SEL1L3: variants seen among roughly 807,000 people sequenced by gnomAD.
SEL1L3 encodes protein sel-1 homolog 3.
SEL1L3 carries 76 observed loss-of-function variants against 142.8 expected under a neutral mutation model. That is an observed-to-expected ratio of 0.53 (90% confidence interval 0.44 to 0.64). The LOEUF (loss-of-function observed/expected upper bound fraction) is 0.64, where lower values mean the gene tolerates loss of function less well. Ranked by LOEUF, SEL1L3 falls within the 30% of genes least tolerant of loss-of-function variation. The probability of loss-of-function intolerance (pLI) is 0.00; values close to 1 mark genes in which losing one functional copy is unlikely to be tolerated. For synonymous variants in SEL1L3, 504 were observed against 519.6 expected (o/e 0.97, Z 0.41); for missense variants, 1,262 against 1,381.7 (o/e 0.91, Z 1.37).
chr4:25,848,833 A>G (rs1716708613), intron 1 of SEL1L3, among the ~76,000 whole-genome samples: 1 of 152,254 alleles, frequency 6.6e-6, no homozygotes, highest in South Asian at 2.1e-4. Flanking sequence ...CAAATAAATT[A>G]GACACAGAAT....
intron 3 of SEL1L3, 65 bp downstream of exon 3, chr4:25,835,132 C>A: frequency 6.3e-7 from 1 of 1,591,114 alleles, no homozygotes; most frequent in Non-Finnish European, 8.6e-7. Context: ...CTTCCACTAG[C>A]CTGCTCTGGT....
At chr4:25,851,673 G>A (rs920333657) in intron 1 of SEL1L3, among the ~76,000 whole-genome samples, 2 of 151,872 alleles carry the variant, frequency 1.3e-5, no homozygotes, top group Non-Finnish European at 2.9e-5. Flanking sequence ...GGCGGTTCAC[G>A]AAGTCAAGAG....
chr4:25,716,614 TA>T, the SEL1L3 span, among the ~76,000 whole-genome samples: 1 of 152,218 alleles, frequency 6.6e-6, no homozygotes, highest in Non-Finnish European at 1.5e-5. Context: ...ATAATGTTAT[TA>T]CAAAATTGAA....
intron 2 of SEL1L3, among the ~76,000 whole-genome samples, chr4:25,840,914 G>T (rs1716126780): frequency 6.6e-6 from 1 of 152,078 alleles, no homozygotes; most frequent in African/African-American, 2.4e-5. Flanking sequence ...TTCCCGTCAA[G>T]GAACAAAGGC....
At chr4:25,726,400 C>T in the SEL1L3 span, among the ~76,000 whole-genome samples, 7 of 151,738 alleles carry the variant, frequency 4.6e-5, no homozygotes, top group East Asian at 1.4e-3. Flanking sequence ...TGGTGGTGTG[C>T]GCCTGTAATC....
chr4:25,832,933 G>T, intron 5 of SEL1L3, 62 bp downstream of exon 5: 1 of 1,018,526 alleles, frequency 9.8e-7, no homozygotes, highest in Non-Finnish European at 1.5e-6. Context: ...CGGCTTTATA[G>T]CAATGCTTAA....
chr4:25,862,519 T>A (rs1717792193), intron 1 of SEL1L3, among the ~76,000 whole-genome samples, 156 bp downstream of exon 1: 1 of 151,748 alleles, frequency 6.6e-6, no homozygotes, highest in Non-Finnish European at 1.5e-5. Flanking sequence ...GGGGTACCTA[T>A]CCCAGGTGCC....
At chr4:25,820,281 G>A (rs1011182946) in intron 7 of SEL1L3, among the ~76,000 whole-genome samples, 1 of 151,350 alleles carries the variant, frequency 6.6e-6, no homozygotes, top group African/African-American at 2.5e-5. Flanking sequence ...AAAGATGCAA[G>A]GGTACCCACG....
chr4:25,821,962 G>A (rs750793460), intron 7 of SEL1L3, 34 bp downstream of exon 7: 20 of 1,604,402 alleles, frequency 1.2e-5, no homozygotes, highest in South Asian at 4.5e-5. Context: ...CATCACCCAG[G>A]AGTACCGCAA....
At position 25,788,281 on chromosome 4, in the gene SEL1L3, G is replaced by T; in HGVS notation, c.2160C>A (p.Gly720=). ...ACGCAGGATCCTCCGTCTCCAGGGC[G>T]CCCTTGGCGTACCACTCAATTGCTG... ...PEAAIEWYAK[G]ALETEDPALI... is the part of the protein sequence containing the mutation. Residue 720 remains glycine, a synonymous_variant, in exon 13 of 24, where the codon GGC becomes GGA. Coordinates refer to ENST00000399878, the MANE Select transcript of SEL1L3 (RefSeq NM_015187.5). This position sits in a 1 kb window ranked among gnomAD's most constrained non-coding sequence, Gnocchi z 5.3. 6.2e-7 allele frequency: 1 copy of T among 1,613,844 alleles called. No individual in the cohort carries two copies. Among genetic ancestry groups the T allele is most frequent in the Non-Finnish European group, 8.5e-7 (1 of 1,179,836 alleles).
chr4:25,784,642 C>G (rs1236373077), intron 13 of SEL1L3, among the ~76,000 whole-genome samples: 1 of 152,186 alleles, frequency 6.6e-6, no homozygotes, highest in African/African-American at 2.4e-5. Flanking sequence ...ATTTGCCAGC[C>G]AGAAAAAGCA....
At chr4:25,751,547 G>A (rs887744961) in intron 23 of SEL1L3, among the ~76,000 whole-genome samples, 1 of 151,826 alleles carries the variant, frequency 6.6e-6, no homozygotes, top group Non-Finnish European at 1.5e-5. Context: ...CACCGTGGGA[G>A]GTATAAGCAG....
chr4:25,810,868 A>ACCCCGAGTAGCC (rs1713975900), intron 9 of SEL1L3, among the ~76,000 whole-genome samples: 1 of 152,082 alleles, frequency 6.6e-6, no homozygotes, highest in Non-Finnish European at 1.5e-5. Context: ...GCAGTTGGGC[A>ACCCCGAGTAGCC]CCCCGAGTAG....
At chr4:25,807,238 A>G (rs542938676) in intron 9 of SEL1L3, among the ~76,000 whole-genome samples, 2 of 152,258 alleles carry the variant, frequency 1.3e-5, no homozygotes, top group South Asian at 2.1e-4. Flanking sequence ...TGTTGTTTCC[A>G]GTGGTTTTGC....
At chr4:25,828,586 A>G (rs1157070249) in intron 6 of SEL1L3, among the ~76,000 whole-genome samples, 1 of 151,868 alleles carries the variant, frequency 6.6e-6, no homozygotes, top group Non-Finnish European at 1.5e-5. Flanking sequence ...GGGTTTCACT[A>G]TGTTGACCAG....
At chr4:25,761,791 A>G (rs1304459183) in intron 20 of SEL1L3, among the ~76,000 whole-genome samples, 2 of 152,238 alleles carry the variant, frequency 1.3e-5, no homozygotes, top group Non-Finnish European at 2.9e-5. Flanking sequence ...ATCATTATTC[A>G]ATTAGCAAAA....
At chr4:25,762,974 C>CAAAAA (rs34744540) in intron 20 of SEL1L3, among the ~76,000 whole-genome samples, 3 of 112,912 alleles carry the variant, frequency 2.7e-5, no homozygotes, top group Non-Finnish European at 5.6e-5. Flanking sequence ...GACTCTGTGT[C>CAAAAA]AAAAAAAAAA....
chr4:25,830,668 T>C (rs992918865), intron 5 of SEL1L3, among the ~76,000 whole-genome samples: 1 of 152,322 alleles, frequency 6.6e-6, no homozygotes, highest in Middle Eastern at 3.4e-3. Flanking sequence ...AGCTGTCTCA[T>C]ATGGGCTCTT....
chr4:25,716,315 T>G, the SEL1L3 span, among the ~76,000 whole-genome samples: 5 of 152,200 alleles, frequency 3.3e-5, no homozygotes, highest in African/African-American at 1.2e-4. Flanking sequence ...AGCTATCATT[T>G]TACTACAGTT....
Sources: gnomAD v4.1 joint callset for allele counts (sites outside exome capture counted in the v4.1 genomes callset) on GRCh38, gnomAD v4.1.1 for gene constraint, Gnocchi (gnomAD v3.1) non-coding constraint, MANE v1.5 for transcripts, NCBI Gene and HGNC (gene_info 2026-07-23, HGNC 2026-07-21) for gene names.